The following UNC13B variants were observed in gnomAD, a reference collection of about 807,000 sequenced individuals.
UNC13B encodes unc-13 homolog B.
Under a neutral mutation model 211.0 loss-of-function variants are expected in UNC13B, and 144 were observed. The observed-to-expected ratio is 0.68, with a 90% CI of 0.60 to 0.78. UNC13B has a LOEUF of 0.78. Ranked by LOEUF, UNC13B falls within the 30% of genes least tolerant of loss-of-function variation. UNC13B has a pLI of 0.00. For synonymous variants in UNC13B, 709 were observed against 725.8 expected (o/e 0.98, Z 0.37); for missense variants, 1,777 against 2,002.0 (o/e 0.89, Z 2.14).
At chr9:35,384,807 G>A (rs920352215) in intron 22 of UNC13B, 3 of 893,424 alleles carry the variant, frequency 3.4e-6, no homozygotes, top group South Asian at 5.1e-5. Context: ...GGTATAGTAG[G>A]AGGATGGTTA....
At chr9:35,267,017 A>G (rs1174166656) in intron 7 of UNC13B, among the ~76,000 whole-genome samples, 1 of 152,192 alleles carries the variant, frequency 6.6e-6, no homozygotes, top group Non-Finnish European at 1.5e-5. Flanking sequence ...CCCAATTTCT[A>G]AGAAGAGCTT....
chr9:35,253,541 T>C, intron 6 of UNC13B, among the ~76,000 whole-genome samples: 1 of 152,204 alleles, frequency 6.6e-6, no homozygotes, highest in Non-Finnish European at 1.5e-5. Flanking sequence ...TTATTAAGAT[T>C]TCATCATACT....
chr9:35,208,541 G>A (rs1363311974), intron 1 of UNC13B, among the ~76,000 whole-genome samples: 1 of 152,184 alleles, frequency 6.6e-6, no homozygotes, highest in Admixed American at 6.5e-5. Context: ...TTCTGGGGAA[G>A]CCCCAGGAAA....
intron 9 of UNC13B, among the ~76,000 whole-genome samples, chr9:35,308,774 A>G (rs1020974689): frequency 6.6e-6 from 1 of 152,234 alleles, no homozygotes; most frequent in Non-Finnish European, 1.5e-5. Flanking sequence ...AACTACAACT[A>G]CATGATAGGC....
At chr9:35,228,142 T>C in intron 2 of UNC13B, 98 bp downstream of exon 2, 1 of 1,111,392 alleles carries the variant, frequency 9.0e-7, no homozygotes, top group Non-Finnish European at 1.3e-6. Flanking sequence ...ATTCAGTAAT[T>C]TGATTCATTA....
chr9:35,294,839 G>A (rs909214969), intron 7 of UNC13B, among the ~76,000 whole-genome samples: 20 of 152,178 alleles, frequency 1.3e-4, no homozygotes, highest in Admixed American at 2.0e-4. Flanking sequence ...CAAGCACAGC[G>A]ATGATTTGTA....
chr9:35,217,845 A>G (rs895322417), intron 1 of UNC13B, among the ~76,000 whole-genome samples: 2 of 151,996 alleles, frequency 1.3e-5, no homozygotes, highest in African/African-American at 4.8e-5. Context: ...AAAGTTTGAG[A>G]CCAGCCTGAG....
chr9:35,271,054 G>T (rs530640993), intron 7 of UNC13B, among the ~76,000 whole-genome samples: 2 of 150,466 alleles, frequency 1.3e-5, no homozygotes, highest in Non-Finnish European at 2.9e-5. Flanking sequence ...CAGGAGAATG[G>T]CTTGAACCTG....
At chr9:35,201,709 A>G (rs1044671536) in intron 1 of UNC13B, among the ~76,000 whole-genome samples, 39 of 151,968 alleles carry the variant, frequency 2.6e-4, no homozygotes, top group African/African-American at 9.4e-4. Context: ...TACTGCGTCT[A>G]TTTGATTCTT....
rs141091734 is a variant in UNC13B at position 35,203,111 on chromosome 9, A to G, written c.23-24904A>G. ...CCGGCCGGGTCTTGACTCTTATCCA[A>G]TTTGCCAGTCTGTGTCTTTTAATTG... On this transcript the variant is annotated intron_variant, in intron 1 of 39. Transcript: ENST00000635942. 1.8e-4 allele frequency among the ~76,000 whole-genome samples: 28 copies of G among 152,028 alleles called. No homozygotes were observed. The East Asian group carries it at 2.7e-3, about 15-fold the overall frequency.
At chr9:35,314,670 A>G (rs1206257659) in intron 11 of UNC13B, among the ~76,000 whole-genome samples, 2 of 151,850 alleles carry the variant, frequency 1.3e-5, no homozygotes, top group East Asian at 1.9e-4. Context: ...ATACCCATTA[A>G]GTTATTTCTC....
chr9:35,349,347 GAAAA>G (rs56137649), intron 11 of UNC13B, among the ~76,000 whole-genome samples: 2 of 115,502 alleles, frequency 1.7e-5, no homozygotes, highest in Admixed American at 8.9e-5. Flanking sequence ...GGTTGGGGAG[GAAAA>G]AAAAAAAAAA....
At chr9:35,185,974 C>G (rs1822338967) in intron 1 of UNC13B, among the ~76,000 whole-genome samples, 1 of 151,850 alleles carries the variant, frequency 6.6e-6, no homozygotes, top group Non-Finnish European at 1.5e-5. Context: ...TCTAAGCCCT[C>G]CAGCTGGCTG....
chr9:35,385,593 G>GT (rs1437780366), intron 22 of UNC13B, 131 bp from the exon 23 acceptor site: 1 of 1,425,608 alleles, frequency 7.0e-7, no homozygotes, highest in Non-Finnish European at 9.2e-7. Flanking sequence ...ACTTTACAGT[G>GT]TTTTTGGCCA....
chr9:35,224,280 T>C (rs1824719022), intron 1 of UNC13B, among the ~76,000 whole-genome samples: 2 of 152,224 alleles, frequency 1.3e-5, no homozygotes, highest in African/African-American at 2.4e-5. Flanking sequence ...CCTATTTGCA[T>C]AGTACGTTTT....
Position 35,255,620 on chromosome 9 carries a change from T to A in UNC13B, c.469-3373T>A, listed in dbSNP as rs550790642. Among the ~76,000 whole-genome samples, 32 of 152,154 alleles carry A rather than the reference T, an allele frequency of 2.1e-4. 1 individual carries two copies. Among genetic ancestry groups the A allele is most frequent in the Non-Finnish European group, 4.3e-4 (29 of 68,028 alleles). On this transcript the variant is annotated intron_variant, in intron 6 of 39. Transcript: ENST00000635942. ...CATAGCAGGTAGAAGTGAGTTTTTCTTGCTATCTTCTGTTCCTGGGTGGGA... is the reference window on the plus strand; with the variant it reads ...CATAGCAGGTAGAAGTGAGTTTTTCATGCTATCTTCTGTTCCTGGGTGGGA...
At chr9:35,336,481 T>C (rs746107744) in intron 11 of UNC13B, among the ~76,000 whole-genome samples, 4 of 152,176 alleles carry the variant, frequency 2.6e-5, no homozygotes, top group Non-Finnish European at 4.4e-5. Flanking sequence ...TAGGTGTTCA[T>C]TTATTTTTTG....
In UNC13B at chr9:35,362,548, G is replaced by A. The variant is rs532177631; in HGVS notation, c.9415-4399G>A. Reference sequence around the variant, plus strand: ...TCTAGGGCGGGGCGTGGTGGCTCACGCCTGTAATCCCAGCACTTTGGGAGG... The same window carrying A: ...TCTAGGGCGGGGCGTGGTGGCTCACACCTGTAATCCCAGCACTTTGGGAGG... On this transcript the variant is annotated intron_variant, in intron 11 of 39. Coordinates refer to ENST00000635942, the MANE Select transcript of UNC13B (RefSeq NM_001371189.2). Among the ~76,000 whole-genome samples, 5 of 152,294 alleles carry A rather than the reference G, an allele frequency of 3.3e-5. No individual in the cohort carries two copies. In the East Asian group the frequency reaches 5.8e-4, roughly 18 times the overall value.
rs1836588264 is a variant in UNC13B, at chr9:35,405,016, T to G, written c.*983T>G. The G allele has an allele frequency of 6.6e-6, 1 of 152,662 alleles. No individual in the cohort carries two copies. Among genetic ancestry groups the G allele is most frequent in the Non-Finnish European group, 1.5e-5 (1 of 68,088 alleles). 9.5% of individuals were successfully genotyped at this position (152,662 alleles called of 1,614,324 possible). A position where few individuals can be genotyped will look rare whatever the true frequency, so the allele number is the denominator to read the frequency against. ...GGTCATTTGCTATTCCCCTCTGATATTCAACCCTATAGAAGGAGCCTGGAC... is the reference window on the plus strand; with the variant it reads ...GGTCATTTGCTATTCCCCTCTGATAGTCAACCCTATAGAAGGAGCCTGGAC... On this transcript the variant is annotated 3_prime_UTR_variant, in exon 40 of 40. Transcript: ENST00000635942.
Sources: gnomAD v4.1 joint callset for allele counts (sites outside exome capture counted in the v4.1 genomes callset) on GRCh38, gnomAD v4.1.1 for gene constraint, MANE v1.5 for transcripts, NCBI Gene and HGNC (gene_info 2026-07-23, HGNC 2026-07-21) for gene names.